CACNB2: variants seen among roughly 807,000 people sequenced by gnomAD.
CACNB2 encodes the protein calcium voltage-gated channel auxiliary subunit beta 2.
CACNB2 carries 42 observed loss-of-function variants against 73.3 expected under a neutral mutation model. The observed-to-expected ratio is 0.57, with a 90% confidence interval of 0.45 to 0.74. CACNB2 has a LOEUF of 0.74. Ranked by LOEUF, CACNB2 falls within the 30% of genes least tolerant of loss-of-function variation. CACNB2 has a pLI of 0.00. For missense variants in CACNB2, 940 were observed against 853.0 expected (o/e 1.10, Z -1.27); for synonymous variants, 348 against 310.3 (o/e 1.12, Z -1.28).
At chr10:18,508,859 A>G (rs1249598237) in intron 6 of CACNB2, among the ~76,000 whole-genome samples, 1 of 152,246 alleles carries the variant, frequency 6.6e-6, no homozygotes, top group Non-Finnish European at 1.5e-5. Flanking sequence ...AGTGTATGTC[A>G]AGGACCGTCT....
At chr10:18,376,140 C>T (rs1287006954) in intron 2 of CACNB2, among the ~76,000 whole-genome samples, 2 of 152,150 alleles carry the variant, frequency 1.3e-5, no homozygotes, top group East Asian at 1.9e-4. Flanking sequence ...GGTACATTTA[C>T]ACAGTGGAGT....
intron 2 of CACNB2, among the ~76,000 whole-genome samples, chr10:18,382,035 T>C (rs965600597): frequency 6.6e-6 from 1 of 152,070 alleles, no homozygotes; most frequent in Middle Eastern, 3.2e-3. Flanking sequence ...TTATGTATTT[T>C]TATAATATCG....
chr10:18,166,758 C>T (rs71497237), intron 2 of CACNB2, among the ~76,000 whole-genome samples: 32 of 151,670 alleles, frequency 2.1e-4, no homozygotes, highest in Non-Finnish European at 3.1e-4. Context: ...GTAGGGGGAG[C>T]GGGGAGGGAT....
intron 3 of CACNB2, among the ~76,000 whole-genome samples, chr10:18,464,741 C>T (rs185843405): frequency 9.0e-4 from 137 of 152,314 alleles, no homozygotes; most frequent in Non-Finnish European, 1.5e-3. Context: ...TCCTTTCCAA[C>T]GTGTTCAAAA....
At chr10:18,291,294 T>G (rs72784236) in intron 2 of CACNB2, among the ~76,000 whole-genome samples, 3 of 152,220 alleles carry the variant, frequency 2.0e-5, no homozygotes, top group Non-Finnish European at 2.9e-5. Context: ...ATTATTTTTC[T>G]TATTAGTAAT....
intron 3 of CACNB2, among the ~76,000 whole-genome samples, chr10:18,419,912 T>C (rs1049271551): frequency 4.6e-5 from 7 of 152,244 alleles, no homozygotes; most frequent in Non-Finnish European, 2.9e-5. Context: ...TGCACTACTA[T>C]CTCTAAAGCA....
At chr10:18,506,896 T>G (rs750556777) in intron 6 of CACNB2, among the ~76,000 whole-genome samples, 11 of 152,184 alleles carry the variant, frequency 7.2e-5, no homozygotes, top group Middle Eastern at 3.2e-3. Flanking sequence ...CCTCCAGGGC[T>G]CAAGTGATCC....
At chr10:18,258,440 A>T (rs1481981020) in intron 2 of CACNB2, among the ~76,000 whole-genome samples, 1 of 151,994 alleles carries the variant, frequency 6.6e-6, no homozygotes, top group African/African-American at 2.4e-5. Flanking sequence ...TTAAGAAAAA[A>T]CTTGAGGCCG....
intron 2 of CACNB2, among the ~76,000 whole-genome samples, chr10:18,266,796 G>A (rs764282682): frequency 4.7e-4 from 71 of 152,042 alleles, no homozygotes; most frequent in Admixed American, 1.0e-3. Flanking sequence ...AGGCTGAGGC[G>A]GGAGAATCAC....
At chr10:18,256,167 T>C (rs1346357560) in intron 2 of CACNB2, among the ~76,000 whole-genome samples, 1 of 152,240 alleles carries the variant, frequency 6.6e-6, no homozygotes, top group African/African-American at 2.4e-5. Flanking sequence ...AATATTTTGC[T>C]TTTAAGATAT....
chr10:18,381,884 C>T (rs1405840456), intron 2 of CACNB2, among the ~76,000 whole-genome samples: 2 of 151,872 alleles, frequency 1.3e-5, no homozygotes, highest in African/African-American at 4.9e-5. Flanking sequence ...GCACCAAAAC[C>T]CTGCTGGCCA....
At chr10:18,283,107 A>G (rs1431733736) in intron 2 of CACNB2, among the ~76,000 whole-genome samples, 1 of 152,244 alleles carries the variant, frequency 6.6e-6, no homozygotes, top group Admixed American at 6.5e-5. Context: ...AATTCAAATC[A>G]AAACCACAAT....
rs756057733 is a variant in CACNB2, at chr10:18,289,296, TG to T, written c.214-112627del. On this transcript the variant is annotated intron_variant, in intron 2 of 13. Coordinates refer to ENST00000324631, the MANE Select transcript of CACNB2 (RefSeq NM_201596.3). ...ATTTTTTTTTCTTGTTTTTTTGTTT[TG>T]TTTTTTTTTTTTTTTGAGATGGGGT... 2.7e-3 allele frequency among the ~76,000 whole-genome samples: 149 copies of T among 55,988 alleles called. 19 individuals carry two copies. The highest frequency in any genetic ancestry group is 0.012 in the African/African-American group (115 of 9,440). The allele number at this position is 55,988 out of a possible 152,430, so 36.7% of individuals were successfully genotyped here.
intron 3 of CACNB2, among the ~76,000 whole-genome samples, chr10:18,450,711 C>G (rs756921180): frequency 6.6e-6 from 1 of 151,402 alleles, no homozygotes; most frequent in African/African-American, 2.4e-5. Flanking sequence ...CAGTCGCCGC[C>G]CCCTGGGTTC....
intron 6 of CACNB2, among the ~76,000 whole-genome samples, chr10:18,511,309 T>C (rs368456705): frequency 1.3e-5 from 2 of 152,268 alleles, no homozygotes; most frequent in African/African-American, 4.8e-5. Context: ...CAATGGCAGG[T>C]ATTCACTCCA....
At chr10:18,346,266 A>C (rs954389830) in intron 2 of CACNB2, among the ~76,000 whole-genome samples, 2 of 151,974 alleles carry the variant, frequency 1.3e-5, no homozygotes, top group Non-Finnish European at 2.9e-5. Flanking sequence ...CAGCCTCTTG[A>C]GTAGCTGGGA....
intron 2 of CACNB2, among the ~76,000 whole-genome samples, chr10:18,369,646 C>G (rs982608184): frequency 2.6e-5 from 4 of 152,176 alleles, no homozygotes; most frequent in African/African-American, 9.7e-5. Flanking sequence ...GGGTTTCACA[C>G]CTGTAATCCC....
intron 3 of CACNB2, among the ~76,000 whole-genome samples, chr10:18,489,518 C>G (rs2049285918): frequency 6.6e-6 from 1 of 151,066 alleles, no homozygotes; most frequent in South Asian, 2.1e-4. Flanking sequence ...TCAAGCCATC[C>G]TGTTGCCTCA....
intron 2 of CACNB2, among the ~76,000 whole-genome samples, chr10:18,354,425 G>A (rs1024268241): frequency 1.3e-5 from 2 of 152,098 alleles, no homozygotes; most frequent in African/African-American, 4.8e-5. Context: ...AGGTCAGAAG[G>A]CTGTTGGAAG....
Sources: gnomAD v4.1 joint callset for allele counts (sites outside exome capture counted in the v4.1 genomes callset) on GRCh38, gnomAD v4.1.1 for gene constraint, MANE v1.5 for transcripts, NCBI Gene and HGNC (gene_info 2026-07-23, HGNC 2026-07-21) for gene names.